NELL2: variants seen among roughly 807,000 people sequenced by gnomAD.
The protein encoded by NELL2 is neural EGFL like 2.
NELL2 carries 41 observed loss-of-function variants against 109.6 expected under a neutral mutation model. The ratio of observed to expected loss-of-function variants is 0.37; its 90% confidence interval spans 0.29 to 0.49. NELL2 has a LOEUF of 0.49. Ranked by LOEUF, NELL2 falls within the 20% of genes least tolerant of loss-of-function variation. The pLI, the probability that NELL2 is intolerant of heterozygous loss-of-function variation, is 0.98. For synonymous variants in NELL2, 355 were observed against 344.7 expected, an observed-to-expected ratio of 1.03 and a Z score of -0.33; for missense variants, 900 against 1,008.3, an observed-to-expected ratio of 0.89 and a Z score of 1.45.
intron 3 of NELL2, among the ~76,000 whole-genome samples, chr12:44,784,758 A>G (rs1021280513): frequency 5.9e-5 from 9 of 152,210 alleles, no homozygotes; most frequent in African/African-American, 9.7e-5. Context: ...TCCATCACAT[A>G]AACAGAACCA....
chr12:44,592,152 T>G (rs966989723), intron 15 of NELL2, among the ~76,000 whole-genome samples: 1 of 152,170 alleles, frequency 6.6e-6, no homozygotes, highest in Non-Finnish European at 1.5e-5. Context: ...CTTGGATACA[T>G]GATTTAACCT....
chr12:44,900,795 C>T (rs1198399068), intron 1 of NELL2, among the ~76,000 whole-genome samples: 1 of 152,106 alleles, frequency 6.6e-6, no homozygotes, highest in African/African-American at 2.4e-5. Flanking sequence ...TCGAGACCTT[C>T]CTGGCCAACA....
At chr12:44,624,552 T>C (rs1222440410) in intron 13 of NELL2, among the ~76,000 whole-genome samples, 1 of 152,064 alleles carries the variant, frequency 6.6e-6, no homozygotes, top group Non-Finnish European at 1.5e-5. Flanking sequence ...TAGGTGTTAT[T>C]TAAAGGTTCC....
intron 9 of NELL2, among the ~76,000 whole-genome samples, chr12:44,759,506 C>T (rs1235055688): frequency 6.6e-6 from 1 of 152,146 alleles, no homozygotes; most frequent in Non-Finnish European, 1.5e-5. Flanking sequence ...GTGAGAGTGT[C>T]ATAAACCAAC....
intron 2 of NELL2, among the ~76,000 whole-genome samples, chr12:44,829,504 A>G (rs1943819161): frequency 6.6e-6 from 1 of 152,192 alleles, no homozygotes; most frequent in Non-Finnish European, 1.5e-5. Flanking sequence ...CATGAACATG[A>G]ACCATCATAA....
intron 15 of NELL2, among the ~76,000 whole-genome samples, chr12:44,538,341 C>T (rs1193977594): frequency 1.3e-5 from 2 of 152,142 alleles, no homozygotes; most frequent in Non-Finnish European, 2.9e-5. Flanking sequence ...TGTTAACATA[C>T]GAGGCCTCAC....
chr12:44,703,743 T>A lies in NELL2; in HGVS notation c.1301A>T (p.Asp434Val). Residue 434 changes from aspartate (D) to valine (V), a missense_variant, in exon 12 of 20, where the codon GAT becomes GTT. By Grantham distance (152) the Asp-to-Val change is radical (BLOSUM62 -3). Around this residue, in one of 4 missense-constraint regions of NELL2, gnomAD observed 292 missense variants for 265.3 expected, o/e 1.10. Transcript: ENST00000429094. ...AGGATTACCTTCACAGTAGGCATTA[T>A]CCTCTCGAAGAGCCCTAAAACCATC... ...CRDGFRALRE[D>V]NAYCEDIDEC... The A allele has an allele frequency of 6.2e-7, 1 of 1,613,472 alleles. No homozygotes were observed. Among genetic ancestry groups the A allele is most frequent in the African/African-American group, 1.3e-5 (1 of 74,978 alleles).
At chr12:44,791,156 C>A (rs1186426155) in intron 3 of NELL2, among the ~76,000 whole-genome samples, 1 of 99,440 alleles carries the variant, frequency 1.0e-5, no homozygotes, top group Non-Finnish European at 2.0e-5. Flanking sequence ...CACATACACA[C>A]ACACACACAC....
chr12:44,777,190 T>C (rs1941788974), intron 6 of NELL2, 52 bp downstream of exon 6: 1 of 1,608,340 alleles, frequency 6.2e-7, no homozygotes, highest in African/African-American at 1.3e-5. Context: ...GTTAAGTCTA[T>C]GCTGACAAGT....
chr12:44,708,668 A>C (rs1938023924), intron 11 of NELL2, among the ~76,000 whole-genome samples: 1 of 152,188 alleles, frequency 6.6e-6, no homozygotes, highest in Non-Finnish European at 1.5e-5. Context: ...TCTTTATTAA[A>C]AATAGCGCTA....
intron 2 of NELL2, among the ~76,000 whole-genome samples, chr12:44,873,893 C>T (rs1386873865): frequency 6.6e-6 from 1 of 151,906 alleles, no homozygotes; most frequent in Non-Finnish European, 1.5e-5. Flanking sequence ...TATAAAAGAC[C>T]CTTAAGTGAA....
intron 13 of NELL2, among the ~76,000 whole-genome samples, chr12:44,617,427 C>T (rs1224556568): frequency 1.9e-5 from 2 of 106,094 alleles, no homozygotes; most frequent in Admixed American, 8.4e-5. Flanking sequence ...GTGGCTCACG[C>T]CTGTAATCCC....
chr12:44,646,354 A>G (rs939864849), intron 13 of NELL2, among the ~76,000 whole-genome samples: 1 of 152,226 alleles, frequency 6.6e-6, no homozygotes, highest in African/African-American at 2.4e-5. Flanking sequence ...TCTTGTAGAC[A>G]GTACAATAGA....
intron 13 of NELL2, among the ~76,000 whole-genome samples, chr12:44,653,660 A>C (rs1273076868): frequency 6.6e-6 from 1 of 152,216 alleles, no homozygotes; most frequent in African/African-American, 2.4e-5. Flanking sequence ...AAGAACACCA[A>C]CAAAACCTTC....
In NELL2 at chr12:44,656,736, T is replaced by C. The variant is rs532148874; in HGVS notation, c.1444+8748A>G. ...TACTCTGTCATTGTCCCCAGTATTC[T>C]TACTTCTTTTACCATTTATATACCA... is the stretch of plus-strand genomic sequence containing the variant. On this transcript the variant is annotated intron_variant, in intron 13 of 19. Coordinates refer to ENST00000429094, the MANE Select transcript of NELL2 (RefSeq NM_001145108.2). Among the ~76,000 whole-genome samples the C allele has an allele frequency of 5.9e-5, 9 of 152,344 alleles. No individual in the cohort carries two copies. In the East Asian group the frequency reaches 1.7e-3, roughly 29 times the overall value.
intron 13 of NELL2, among the ~76,000 whole-genome samples, chr12:44,645,142 C>T (rs1005325343): frequency 1.7e-4 from 26 of 151,760 alleles, no homozygotes; most frequent in African/African-American, 5.8e-4. Context: ...GAGGTCAATG[C>T]GACTAAATAT....
intron 1 of NELL2, among the ~76,000 whole-genome samples, chr12:44,887,042 C>T (rs1017080421): frequency 6.6e-6 from 1 of 151,954 alleles, no homozygotes; most frequent in African/African-American, 2.4e-5. Flanking sequence ...TAGTTTGATT[C>T]GTAGTTTGGC....
chr12:44,879,782 A>G (rs1945389850), upstream of NELL2, among the ~76,000 whole-genome samples: 1 of 151,956 alleles, frequency 6.6e-6, no homozygotes, highest in South Asian at 2.1e-4. Flanking sequence ...TGAAACTTTA[A>G]AACTTTGCAT....
intron 15 of NELL2, among the ~76,000 whole-genome samples, chr12:44,568,579 A>G (rs1788577539): frequency 6.6e-6 from 1 of 152,134 alleles, no homozygotes; most frequent in African/African-American, 2.4e-5. Flanking sequence ...CTTAAAGGCC[A>G]GAATTTGAGG....
Sources: gnomAD v4.1 joint callset for allele counts (sites outside exome capture counted in the v4.1 genomes callset) on GRCh38, gnomAD v4.1.1 for gene constraint, gnomAD v4.1.1 regional missense constraint, MANE v1.5 for transcripts, NCBI Gene and HGNC (gene_info 2026-07-23, HGNC 2026-07-21) for gene names.